Variants in ATF6 observed in about 807,000 individuals in gnomAD.
The protein encoded by ATF6 is activating transcription factor 6, also known as cyclic AMP-dependent transcription factor ATF-6 alpha.
ATF6 carries 53 observed loss-of-function variants against 83.6 expected under a neutral mutation model. That is an observed-to-expected ratio of 0.63 (90% CI 0.51 to 0.80). The LOEUF (loss-of-function observed/expected upper bound fraction) is 0.80. ATF6 is among the 30% of genes least tolerant of loss of function. The probability of loss-of-function intolerance (pLI) is 0.00; values close to 1 mark genes in which losing one functional copy is unlikely to be tolerated. For synonymous variants in ATF6, 288 were observed against 285.8 expected (o/e 1.01, Z -0.08); for missense variants, 744 against 797.9 (o/e 0.93, Z 0.81).
At chr1:161,917,520 A>C (rs574706267) in intron 15 of ATF6, among the ~76,000 whole-genome samples, 10 of 151,894 alleles carry the variant, frequency 6.6e-5, no homozygotes, top group African/African-American at 2.2e-4. Context: ...TCCCGGGTTC[A>C]CACCATTCTC....
chr1:161,952,187 A>G (rs776026730), intron 15 of ATF6, among the ~76,000 whole-genome samples: 1 of 152,044 alleles, frequency 6.6e-6, no homozygotes, highest in South Asian at 2.1e-4. Context: ...TCTTTTCTAC[A>G]TATAAGTCCC....
intron 1 of ATF6, among the ~76,000 whole-genome samples, chr1:161,776,665 C>T (rs949316658): frequency 6.6e-6 from 1 of 152,140 alleles, no homozygotes; most frequent in African/African-American, 2.4e-5. Flanking sequence ...TTGTCATTAA[C>T]TGAGATGAGG....
chr1:161,843,234 G>A (rs956695086), intron 9 of ATF6, among the ~76,000 whole-genome samples: 1 of 152,184 alleles, frequency 6.6e-6, no homozygotes, highest in Non-Finnish European at 1.5e-5. Flanking sequence ...AACTCATGCA[G>A]ACTTGGGGAG....
chr1:161,921,170 A>G (rs148951267), intron 15 of ATF6, among the ~76,000 whole-genome samples: 3 of 152,348 alleles, frequency 2.0e-5, no homozygotes, highest in Admixed American at 6.5e-5. Context: ...GCAGCACTCC[A>G]TCATATGCTA....
chr1:161,960,748 CT>C lies in ATF6; in HGVS notation c.*2095del, dbSNP rs1436641958. On this transcript the variant is annotated 3_prime_UTR_variant, in exon 16 of 16. Transcript: ENST00000367942. ...ACCATTTTCTCTGGGGACCATTCTT[CT>C]GCTGGGTGCCAAGGAATATAAGGCA... 2 of 152,236 alleles carry C rather than the reference CT, an allele frequency of 1.3e-5. No homozygotes were observed. The highest frequency in any genetic ancestry group is 2.9e-5 in the Non-Finnish European group (2 of 68,076). 9.4% of individuals were successfully genotyped at this position (152,236 alleles called of 1,614,324 possible).
At chr1:161,882,382 G>C (rs913876232) in intron 14 of ATF6, among the ~76,000 whole-genome samples, 1 of 152,054 alleles carries the variant, frequency 6.6e-6, no homozygotes, top group Non-Finnish European at 1.5e-5. Flanking sequence ...ACACTGAAAA[G>C]TGAACAAAGA....
intron 9 of ATF6, among the ~76,000 whole-genome samples, chr1:161,830,291 TA>T (rs1309028719): frequency 6.6e-6 from 1 of 152,016 alleles, no homozygotes; most frequent in Non-Finnish European, 1.5e-5. Context: ...CTCAATGAAA[TA>T]AAAGAGGACA....
rs768550245 is a variant in ATF6, at chr1:161,958,645, A to G, written c.2004A>G (p.Ser668=). 20 of 1,611,794 alleles carry G rather than the reference A, an allele frequency of 1.2e-5. No individual in the cohort carries two copies. In the East Asian group the frequency reaches 4.5e-4, roughly 36 times the overall value. The stretch of plus-strand genomic sequence containing the variant: ...ACGTTGTCAGCACCATCCCTGAGTC[A>G]TTACAATAGCACCCTGCAGCTATGC... ...ATHVVSTIPE[S]LQ Residue 668 remains serine, a synonymous_variant, in exon 16 of 16, where the codon TCA becomes TCG. Transcript: ENST00000367942.
At chr1:161,795,137 T>TA (rs984109361) in intron 6 of ATF6, among the ~76,000 whole-genome samples, 46 of 148,706 alleles carry the variant, frequency 3.1e-4, no homozygotes, top group African/African-American at 5.9e-4. Flanking sequence ...TGTATCGCCT[T>TA]AAAAAAAAAA....
chr1:161,867,797 T>C (rs539887037), intron 14 of ATF6, among the ~76,000 whole-genome samples: 57 of 152,222 alleles, frequency 3.7e-4, no homozygotes, highest in Non-Finnish European at 7.5e-4. Flanking sequence ...ATACATAATA[T>C]TACAGAAGAA....
At chr1:161,930,581 G>A (rs1299701588) in intron 15 of ATF6, among the ~76,000 whole-genome samples, 1 of 152,172 alleles carries the variant, frequency 6.6e-6, no homozygotes, top group Non-Finnish European at 1.5e-5. Context: ...CCACTGGTCA[G>A]TTACTGTTTT....
chr1:161,782,197 T>C (rs547742427), intron 3 of ATF6, among the ~76,000 whole-genome samples, 198 bp downstream of exon 3: 1 of 152,244 alleles, frequency 6.6e-6, no homozygotes, highest in South Asian at 2.1e-4. Context: ...TTCATAGTTA[T>C]GTTTCAGTAG....
At chr1:161,821,780 TTGTG>T (rs1685768605) in intron 9 of ATF6, among the ~76,000 whole-genome samples, 2 of 152,106 alleles carry the variant, frequency 1.3e-5, no homozygotes, top group South Asian at 4.2e-4. Context: ...GAAGAGGACT[TTGTG>T]TGTTGTATTG....
At chr1:161,930,928 T>A (rs961484330) in intron 15 of ATF6, among the ~76,000 whole-genome samples, 32 of 152,238 alleles carry the variant, frequency 2.1e-4, no homozygotes, top group African/African-American at 7.2e-4. Flanking sequence ...AGTTTCACTC[T>A]GTCACCCAGG....
intron 14 of ATF6, among the ~76,000 whole-genome samples, chr1:161,886,214 T>C (rs1687415578): frequency 6.6e-6 from 1 of 152,082 alleles, no homozygotes; most frequent in African/African-American, 2.4e-5. Flanking sequence ...TTCTAGGAAA[T>C]AAAAGATGGC....
intron 14 of ATF6, among the ~76,000 whole-genome samples, chr1:161,875,153 A>G (rs12021822): frequency 0.14 from 21,515 of 151,792 alleles, 2,093 homozygotes; most frequent in East Asian, 0.31. Flanking sequence ...GTCAAAATAT[A>G]TGAAGAAAAT....
chr1:161,766,437 A>G lies in ATF6; in HGVS notation c.77A>G (p.Asp26Gly), dbSNP rs747873305. 7.2e-5 allele frequency: 116 copies of G among 1,612,800 alleles called. No homozygotes were observed. Among genetic ancestry groups the G allele is most frequent in the Non-Finnish European group, 9.6e-5 (113 of 1,179,490 alleles). The change falls in exon 1 of 16, where the codon GAT becomes GGT. Residue 26 changes from aspartate (D) to glycine (G), a missense_variant. Physicochemically the swap from Asp to Gly is moderately conservative, Grantham distance 94. Transcript: ENST00000367942. ...SPGLFHRLDE[D>G]WDSALFAELG... ...GGACTCTTTCACAGGCTGGATGAAG[A>G]TTGGGGTGAGTGGGATCTGAGAATG...
At chr1:161,795,101 G>A (rs867620820) in intron 6 of ATF6, among the ~76,000 whole-genome samples, 3 of 151,882 alleles carry the variant, frequency 2.0e-5, no homozygotes, top group African/African-American at 7.3e-5. Flanking sequence ...GGTCTGGCTC[G>A]GAGTCTATGT....
chr1:161,951,099 T>A (rs923382652), intron 15 of ATF6, among the ~76,000 whole-genome samples: 1 of 152,300 alleles, frequency 6.6e-6, no homozygotes, highest in Non-Finnish European at 1.5e-5. Context: ...TAAACTTGAT[T>A]GAAAATATTA....
Sources: gnomAD v4.1 joint callset for allele counts (sites outside exome capture counted in the v4.1 genomes callset) on GRCh38, gnomAD v4.1.1 for gene constraint, MANE v1.5 for transcripts, NCBI Gene and HGNC (gene_info 2026-07-23, HGNC 2026-07-21) for gene names.